Variants in ADAM7 observed in about 807,000 individuals in gnomAD.
ADAM7 encodes ADAM metallopeptidase domain 7.
Under a neutral mutation model 102.9 loss-of-function variants are expected in ADAM7, and 97 were observed. The ratio of observed to expected loss-of-function variants is 0.94; its 90% CI spans 0.80 to 1.12. The LOEUF (loss-of-function observed/expected upper bound fraction) is 1.12. ADAM7 is among the 50% of genes most tolerant of loss of function. The pLI, the probability that ADAM7 is intolerant of heterozygous loss-of-function variation, is 0.00. For synonymous variants in ADAM7, 334 were observed against 304.4 expected (o/e 1.10, Z -1.01); for missense variants, 991 against 908.7 (o/e 1.09, Z -1.16).
intron 12 of ADAM7, among the ~76,000 whole-genome samples, chr8:24,489,836 C>A (rs1231635178): frequency 6.6e-6 from 1 of 152,166 alleles, no homozygotes; most frequent in Non-Finnish European, 1.5e-5. Context: ...GCCCTTGAGG[C>A]AATTTTTAAA....
intron 1 of ADAM7, among the ~76,000 whole-genome samples, chr8:24,442,110 G>T (rs1443638131): frequency 6.6e-6 from 1 of 152,132 alleles, no homozygotes; most frequent in East Asian, 1.9e-4. Flanking sequence ...GGAGGCGGAG[G>T]TTGCAGTGAG....
intron 6 of ADAM7, chr8:24,467,229 C>T (rs1409433290): frequency 3.7e-6 from 2 of 535,040 alleles, no homozygotes; most frequent in Non-Finnish European, 6.5e-6. Flanking sequence ...AGATTGATAA[C>T]ATTGGGGCTA....
Position 24,493,052 on chromosome 8 carries a change from A to T in ADAM7, c.1665A>T (p.Arg555Ser). 1.9e-6 allele frequency: 3 copies of T among 1,585,784 alleles called. No individual in the cohort carries two copies. Among genetic ancestry groups the T allele is most frequent in the Non-Finnish European group, 2.6e-6 (3 of 1,171,004 alleles). ...TCTGCCTTTCCTTCAGAGATGTCAGATGTGGAAAGATCTACTGCACTGGAG... is the reference window on the plus strand; with the variant it reads ...TCTGCCTTTCCTTCAGAGATGTCAGTTGTGGAAAGATCTACTGCACTGGAG... ...RFLPCEEKDV[R>S]CGKIYCTGGE... Residue 555 changes from arginine (R) to serine (S), a missense_variant, in exon 16 of 22, where the codon AGA becomes AGT. Arg to Ser is a moderately radical substitution (Grantham distance 110). Coordinates refer to ENST00000175238, the MANE Select transcript of ADAM7 (RefSeq NM_003817.4).
rs773569621 is a variant in ADAM7 at position 24,467,004 on chromosome 8, T to G, written c.579+16T>G. 1 of 1,597,470 alleles carries G rather than the reference T, an allele frequency of 6.3e-7. No homozygotes were observed. Among genetic ancestry groups the G allele is most frequent in the Non-Finnish European group, 8.6e-7 (1 of 1,168,052 alleles). On this transcript the variant is annotated intron_variant, in intron 6 of 21. Coordinates refer to ENST00000175238, the MANE Select transcript of ADAM7 (RefSeq NM_003817.4). ...CAAAATAAAAGTGAGTACTTTATTA[T>G]TATCTTTACCCCAAATGAAACACCT...
At chr8:24,441,359 TGAG>T (rs1310426744) in intron 1 of ADAM7, among the ~76,000 whole-genome samples, 199 bp downstream of exon 1, 5 of 152,150 alleles carry the variant, frequency 3.3e-5, no homozygotes, top group Non-Finnish European at 5.9e-5. Context: ...TGACCCACAG[TGAG>T]GAGGAGAAAG....
chr8:24,477,569 A>AGTGTGTGAGTGTGTGTGAGTGTGTGT (rs60219377), intron 8 of ADAM7, among the ~76,000 whole-genome samples: 1 of 145,570 alleles, frequency 6.9e-6, no homozygotes, highest in South Asian at 2.3e-4. Flanking sequence ...TACCCTCATC[A>AGTGTGTGAGTGTGTGTGAGTGTGTGT]GTGTGTGTGT....
At chr8:24,457,337 A>T (rs950549323) in intron 3 of ADAM7, among the ~76,000 whole-genome samples, 1 of 151,980 alleles carries the variant, frequency 6.6e-6, no homozygotes, top group Non-Finnish European at 1.5e-5. Flanking sequence ...GTAGAGTGGC[A>T]CGATCTTGGC....
intron 3 of ADAM7, among the ~76,000 whole-genome samples, chr8:24,460,127 C>T (rs1819187987): frequency 6.6e-6 from 1 of 151,964 alleles, no homozygotes; most frequent in Non-Finnish European, 1.5e-5. Context: ...GTGTATTTTG[C>T]AGTTTGTTAT....
At chr8:24,492,619 A>T (rs756215288) in intron 15 of ADAM7, 22 bp downstream of exon 15, 152 of 1,573,970 alleles carry the variant, frequency 9.7e-5, no homozygotes, top group Non-Finnish European at 1.2e-4. Context: ...GTGGAAAAAA[A>T]GTAATTTGCC....
intron 3 of ADAM7, among the ~76,000 whole-genome samples, chr8:24,454,030 C>T (rs965393618): frequency 2.6e-4 from 39 of 152,288 alleles, no homozygotes; most frequent in Non-Finnish European, 4.3e-4. Context: ...CAGAGGAGTA[C>T]CCGGCTGTGT....
chr8:24,495,305 G>A (rs1820516261), intron 16 of ADAM7, among the ~76,000 whole-genome samples: 1 of 152,066 alleles, frequency 6.6e-6, no homozygotes. Context: ...GCAACAACAA[G>A]GTGACACATA....
chr8:24,468,113 G>A (rs1320189090), intron 6 of ADAM7, among the ~76,000 whole-genome samples: 1 of 151,778 alleles, frequency 6.6e-6, no homozygotes, highest in Non-Finnish European at 1.5e-5. Flanking sequence ...TCTATGATTA[G>A]CAAAATTTGT....
chr8:24,493,350 T>C (rs1181319848), intron 16 of ADAM7, 121 bp downstream of exon 16: 2 of 884,844 alleles, frequency 2.3e-6, no homozygotes, highest in African/African-American at 1.8e-5. Context: ...TATTGACAAG[T>C]ATTTTTTTAA....
At chr8:24,451,372 G>A (rs548066928) in intron 3 of ADAM7, among the ~76,000 whole-genome samples, 1 of 152,320 alleles carries the variant, frequency 6.6e-6, no homozygotes, top group East Asian at 1.9e-4. Flanking sequence ...TCCTGGTTTA[G>A]TCTTGGGAGG....
chr8:24,469,006 C>T lies in ADAM7; in HGVS notation c.633+186C>T, dbSNP rs549934225. 2.6e-5 allele frequency among the ~76,000 whole-genome samples: 4 copies of T among 152,114 alleles called. No individual in the cohort carries two copies. The East Asian group carries it at 5.8e-4, about 22-fold the overall frequency. On this transcript the variant is annotated intron_variant, in intron 7 of 21. Transcript: ENST00000175238. ...CCTTTGCCACAATAGCAGACTGACC[C>T]AAAATAGAACACCCCTCCCCATTAA...
intron 7 of ADAM7, among the ~76,000 whole-genome samples, chr8:24,469,112 G>T (rs1819523864): frequency 6.6e-6 from 1 of 152,062 alleles, no homozygotes; most frequent in South Asian, 2.1e-4. Flanking sequence ...AGAAAAAGTG[G>T]AAAATCTCCA....
Position 24,494,868 on chromosome 8 carries a change from C to A in ADAM7, c.1842+1639C>A, listed in dbSNP as rs889594263. On this transcript the variant is annotated intron_variant, in intron 16 of 21. Coordinates refer to ENST00000175238, the MANE Select transcript of ADAM7 (RefSeq NM_003817.4). The stretch of plus-strand genomic sequence containing the variant: ...ATGGAAAACATTTTGGTAATAATTG[C>A]CCCACTCCAACCAAACAGCAGGGAA... Among the ~76,000 whole-genome samples, 4 of 152,232 alleles carry A rather than the reference C, an allele frequency of 2.6e-5. No individual in the cohort carries two copies. The South Asian group carries it at 6.2e-4, about 24-fold the overall frequency.
intron 9 of ADAM7, 137 bp from the exon 10 acceptor site, chr8:24,485,140 A>G (rs1820094239): frequency 1.3e-6 from 1 of 754,968 alleles, no homozygotes; most frequent in African/African-American, 1.8e-5. Flanking sequence ...GGTCAGCCTC[A>G]ATTCCAAAAC....
At chr8:24,472,636 C>A (rs760947064) in intron 7 of ADAM7, among the ~76,000 whole-genome samples, 15 of 151,806 alleles carry the variant, frequency 9.9e-5, no homozygotes, top group Non-Finnish European at 2.1e-4. Context: ...TCAATTTAAA[C>A]AGTTTTATTA....
Sources: gnomAD v4.1 joint callset for allele counts (sites outside exome capture counted in the v4.1 genomes callset) on GRCh38, gnomAD v4.1.1 for gene constraint, MANE v1.5 for transcripts, NCBI Gene and HGNC (gene_info 2026-07-23, HGNC 2026-07-21) for gene names.